Variants in CLEC17A observed in about 807,000 individuals in gnomAD.
CLEC17A encodes C-type lectin domain family 17, member A.
A neutral mutation model predicts 61.3 loss-of-function variants in CLEC17A; 37 were observed. The observed-to-expected ratio is 0.60, with a 90% CI of 0.46 to 0.79. The LOEUF (loss-of-function observed/expected upper bound fraction) is 0.79, where lower values mean the gene tolerates loss of function less well. Ranked by LOEUF, CLEC17A falls within the 30% of genes least tolerant of loss-of-function variation. The pLI is 0.00. For missense variants in CLEC17A, 418 were observed against 464.7 expected, an observed-to-expected ratio of 0.90 and a Z score of 0.92; for synonymous variants, 168 against 164.9, an observed-to-expected ratio of 1.02 and a Z score of -0.14.
chr19:14,599,658 T>C lies in CLEC17A; in HGVS notation c.647-59T>C, dbSNP rs753297402. On this transcript the variant is annotated intron_variant, in intron 10 of 13. Coordinates refer to ENST00000417570, the MANE Select transcript of CLEC17A (RefSeq NM_001204118.2). ...CTCTCTCTGATGTGTCTGCAGTCCG[T>C]GGTGGATGGGTAGGATGGGTTCTCA... is the stretch of plus-strand genomic sequence containing the variant. 24 of 1,204,446 alleles carry C rather than the reference T, an allele frequency of 2.0e-5. No homozygotes were observed. The African/African-American group carries it at 2.1e-4, about 10-fold the overall frequency. 74.6% of individuals were successfully genotyped at this position (1,204,446 alleles called of 1,614,324 possible). A position where few individuals can be genotyped will look rare whatever the true frequency, so the allele number is the denominator to read the frequency against.
chr19:14,599,920 C>T, intron 11 of CLEC17A, 108 bp downstream of exon 11: 1 of 1,502,662 alleles, frequency 6.7e-7, no homozygotes, highest in Non-Finnish European at 9.1e-7. Context: ...AATGGTGCCC[C>T]TCCCCCTCAC....
chr19:14,595,059 A>G (rs1174958843), intron 7 of CLEC17A, among the ~76,000 whole-genome samples: 1 of 152,056 alleles, frequency 6.6e-6, no homozygotes, highest in Non-Finnish European at 1.5e-5. Flanking sequence ...TTTAATAGAG[A>G]TGGGGTTTTG....
rs1434051736 is a variant in CLEC17A, at chr19:14,607,731, C to T, written c.1004+629C>T. Reference sequence around the variant, plus strand: ...AGCTGGGATTACAGACACCCGCCGTCGTGCCTGGCTAATTTTTGTAATTTT... The same window carrying T: ...AGCTGGGATTACAGACACCCGCCGTTGTGCCTGGCTAATTTTTGTAATTTT... On this transcript the variant is annotated intron_variant, in intron 13 of 13. Coordinates refer to ENST00000417570, the MANE Select transcript of CLEC17A (RefSeq NM_001204118.2). Among the ~76,000 whole-genome samples the T allele has an allele frequency of 5.9e-5, 9 of 151,854 alleles. No individual in the cohort carries two copies. The South Asian group carries it at 1.5e-3, about 25-fold the overall frequency.
At chr19:14,583,681 G>A (rs2074219914) in intron 2 of CLEC17A, among the ~76,000 whole-genome samples, 1 of 152,042 alleles carries the variant, frequency 6.6e-6, no homozygotes, top group East Asian at 1.9e-4. Flanking sequence ...GGGGGACTGA[G>A]GGCTCAAATA....
chr19:14,607,904 C>T (rs2074942486), intron 13 of CLEC17A, among the ~76,000 whole-genome samples: 1 of 150,482 alleles, frequency 6.6e-6, no homozygotes, highest in South Asian at 2.1e-4. Context: ...ACAGTCTCGC[C>T]CTGTCACCCA....
At chr19:14,594,611 C>T in intron 5 of CLEC17A, 21 bp from the exon 6 acceptor site, 1 of 1,613,756 alleles carries the variant, frequency 6.2e-7, no homozygotes, top group Non-Finnish European at 8.5e-7. Context: ...TGGCCCTGAC[C>T]AACCATTCCT....
chr19:14,590,448 G>A (rs2074381993), intron 3 of CLEC17A, among the ~76,000 whole-genome samples: 2 of 151,178 alleles, frequency 1.3e-5, no homozygotes, highest in South Asian at 2.1e-4. Flanking sequence ...GAGTGCAATG[G>A]TGCAATCTTG....
At chr19:14,601,421 C>A (rs2074714152) in intron 12 of CLEC17A, among the ~76,000 whole-genome samples, 1 of 152,152 alleles carries the variant, frequency 6.6e-6, no homozygotes, top group African/African-American at 2.4e-5. Context: ...TAATGATTTG[C>A]TACTACAATT....
chr19:14,601,785 A>AATT (rs984877336), intron 12 of CLEC17A, among the ~76,000 whole-genome samples: 6 of 151,558 alleles, frequency 4.0e-5, no homozygotes, highest in African/African-American at 4.9e-5. Context: ...GTACCCAGCA[A>AATT]ATTATTATTA....
At position 14,583,441 on chromosome 19, in the gene CLEC17A, G is replaced by T. The variant is rs1263072092; in HGVS notation, c.121+7G>T. ...GACCTTCCTCCCAAGCCAGGTAAGAGGACTTTTTGGAGTGTGACCTGGGGG... is the reference window on the plus strand; with the variant it reads ...GACCTTCCTCCCAAGCCAGGTAAGATGACTTTTTGGAGTGTGACCTGGGGG... On this transcript the variant is annotated splice_region_variant and intron_variant, in intron 2 of 13. Transcript: ENST00000417570. The T allele has an allele frequency of 1.9e-6, 3 of 1,612,328 alleles. No individual in the cohort carries two copies. The East Asian group carries it at 6.7e-5, about 36-fold the overall frequency.
In CLEC17A at chr19:14,599,803, G is replaced by A. The variant is rs774935127; in HGVS notation, c.733G>A (p.Gly245Ser). 1.2e-6 allele frequency: 2 copies of A among 1,613,156 alleles called. No homozygotes were observed. Among genetic ancestry groups the A allele is most frequent in the African/African-American group, 2.7e-5 (2 of 74,910 alleles). The change falls in exon 11 of 14, where the codon GGC becomes AGC. Residue 245 changes from glycine (G) to serine (S), a missense_variant. Transcript: ENST00000417570. The part of the protein sequence containing the change: ...DTNQSLVELW[G>S]LLDCRRITCP... ...CAACCAGTCCCTGGTGGAACTTTGG[G>A]GCTTATTAGGTAAGTGAGACTTGGG...
chr19:14,594,408 GTAACC>G, intron 4 of CLEC17A, 104 bp from the exon 5 acceptor site: 1 of 1,415,458 alleles, frequency 7.1e-7, no homozygotes, highest in South Asian at 1.2e-5. Context: ...AACCCCGTCT[GTAACC>G]TAATCTCCAA....
At chr19:14,583,051 C>A, upstream of CLEC17A, 2 of 1,224,278 alleles carry the variant, frequency 1.6e-6, no homozygotes, top group Non-Finnish European at 1.2e-6. Context: ...ATGTATTTGA[C>A]TTTGAAAGGA....
intron 2 of CLEC17A, among the ~76,000 whole-genome samples, chr19:14,586,987 C>G (rs1244009639): frequency 6.7e-6 from 1 of 150,322 alleles, no homozygotes; most frequent in East Asian, 2.0e-4. Context: ...CTCCTGAGTT[C>G]AAGTGATTCA....
In CLEC17A at chr19:14,591,797, A is replaced by G. The variant is rs548182577; in HGVS notation, c.200-484A>G. 1.1e-4 allele frequency among the ~76,000 whole-genome samples: 16 copies of G among 151,750 alleles called. No individual in the cohort carries two copies. The East Asian group carries it at 2.9e-3, about 28-fold the overall frequency. On this transcript the variant is annotated intron_variant, in intron 3 of 13. Transcript: ENST00000417570. ...GATCTCGAACTCCCAAACTCAGGCA[A>G]CCTGCCAGCCTCAGCCTCCCAAAGT...
chr19:14,596,955 G>T lies in CLEC17A; in HGVS notation c.525G>T (p.Leu175=), dbSNP rs756417263. The T allele has an allele frequency of 6.2e-7, 1 of 1,608,456 alleles. No homozygotes were observed. Among genetic ancestry groups the T allele is most frequent in the South Asian group, 1.1e-5 (1 of 89,752 alleles). The part of the protein sequence containing the change: ...CQKRWMVYLC[L]LVVTSLFLGC... ...AGAGGTGGATGGTGTACCTGTGTCT[G>T]CTGGTGGTGACTTCCCTGTTCCTGG... The change falls in exon 9 of 14, where the codon CTG becomes CTT. Residue 175 remains leucine (L), a synonymous_variant. Transcript: ENST00000417570.
rs1168756889 is a variant in CLEC17A at position 14,594,545 on chromosome 19, G to C, written c.306G>C (p.Arg102Ser). The C allele has an allele frequency of 6.2e-7, 1 of 1,607,552 alleles. No homozygotes were observed. The highest frequency in any genetic ancestry group is 1.7e-5 in the Admixed American group (1 of 58,658). Residue 102 changes from arginine (R) to serine (S), a missense_variant, in exon 5 of 14, where the codon AGG (arginine) becomes AGC (serine). Coordinates refer to ENST00000417570, the MANE Select transcript of CLEC17A (RefSeq NM_001204118.2). ...CAAGTGCTCCACCAAGACCTCCAAG[G>C]GCAGGTGAGTTGGGGCTGGGGGTGT... ...PGSSAPPRPP[R>S]AAKETEKPPL...
chr19:14,595,961 T>TAG (rs2074537481), intron 8 of CLEC17A, among the ~76,000 whole-genome samples: 1 of 54 alleles, frequency 0.019, no homozygotes, highest in Non-Finnish European at 0.036. Flanking sequence ...GATGGTATTG[T>TAG]TGACAATGAC....
chr19:14,596,168 G>A (rs1033073067), intron 8 of CLEC17A, among the ~76,000 whole-genome samples: 7 of 151,886 alleles, frequency 4.6e-5, no homozygotes, highest in Non-Finnish European at 8.8e-5. Flanking sequence ...CTTGACCTAG[G>A]AGCAACTTGG....
Sources: allele counts gnomAD v4.1 joint callset (sites outside exome capture counted in the v4.1 genomes callset), GRCh38; gene constraint gnomAD v4.1.1; transcripts MANE v1.5; gene names NCBI Gene and HGNC (gene_info 2026-07-23, HGNC 2026-07-21).